Variants in RERG observed in about 807,000 individuals in gnomAD.
RERG encodes the protein RAS like estrogen regulated growth inhibitor.
Under a neutral mutation model 23.2 loss-of-function variants are expected in RERG, and 25 were observed. That is an observed-to-expected ratio of 1.08 (90% CI 0.79 to 1.50). The LOEUF (loss-of-function observed/expected upper bound fraction) is 1.50. RERG is among the 40% of genes most tolerant of loss of function. RERG has a pLI of 0.00. For synonymous variants in RERG, 81 were observed against 89.1 expected, an observed-to-expected ratio of 0.91 and a Z score of 0.51; for missense variants, 253 against 250.1, an observed-to-expected ratio of 1.01 and a Z score of -0.08.
At chr12:15,111,868 G>T (rs1449657795) in intron 3 of RERG, among the ~76,000 whole-genome samples, 2 of 151,874 alleles carry the variant, frequency 1.3e-5, no homozygotes, top group Non-Finnish European at 2.9e-5. Flanking sequence ...TGGAGACAAG[G>T]TTTCACCATG....
At chr12:15,196,286 G>T (rs951645616) in intron 2 of RERG, among the ~76,000 whole-genome samples, 17 of 152,026 alleles carry the variant, frequency 1.1e-4, no homozygotes, top group African/African-American at 4.1e-4. Flanking sequence ...CTATGGAAAA[G>T]GAAAGAAAAA....
At chr12:15,174,962 C>G (rs1864827292) in intron 2 of RERG, among the ~76,000 whole-genome samples, 1 of 151,944 alleles carries the variant, frequency 6.6e-6, no homozygotes, top group Non-Finnish European at 1.5e-5. Context: ...ATTTGGGATC[C>G]CTCAGGGCCA....
intron 2 of RERG, among the ~76,000 whole-genome samples, chr12:15,184,751 A>C (rs950968645): frequency 9.9e-5 from 15 of 152,086 alleles, no homozygotes; most frequent in Non-Finnish European, 5.9e-5. Flanking sequence ...AAATTATGTG[A>C]TTTTCCCTGT....
intron 2 of RERG, among the ~76,000 whole-genome samples, chr12:15,194,411 C>G (rs574180590): frequency 6.6e-6 from 1 of 151,914 alleles, no homozygotes; most frequent in Non-Finnish European, 1.5e-5. Context: ...AATATATACA[C>G]TCTCCCCTCA....
chr12:15,155,745 G>A (rs967572884), intron 2 of RERG, among the ~76,000 whole-genome samples: 4 of 152,108 alleles, frequency 2.6e-5, no homozygotes, highest in Non-Finnish European at 5.9e-5. Flanking sequence ...AAAACAGCCA[G>A]TTGTTAAGCA....
intron 2 of RERG, among the ~76,000 whole-genome samples, chr12:15,175,715 A>G (rs1213719557): frequency 6.6e-6 from 1 of 152,054 alleles, no homozygotes; most frequent in Non-Finnish European, 1.5e-5. Context: ...TTCCTTTAAC[A>G]TATGTTGTGA....
chr12:15,134,072 G>A (rs1203605694), intron 2 of RERG, among the ~76,000 whole-genome samples: 7 of 151,626 alleles, frequency 4.6e-5, no homozygotes, highest in Admixed American at 3.9e-4. Flanking sequence ...TCTAGACAGT[G>A]TTTTTTTCAC....
intron 2 of RERG, among the ~76,000 whole-genome samples, chr12:15,154,938 TG>T (rs1197533932): frequency 6.6e-6 from 1 of 152,236 alleles, no homozygotes; most frequent in East Asian, 1.9e-4. Flanking sequence ...TTTTTTAAAA[TG>T]TTAAGTTGCT....
At chr12:15,114,615 C>T (rs1863686765) in intron 3 of RERG, 1 of 152,108 alleles carries the variant, frequency 6.6e-6, no homozygotes. Flanking sequence ...TTCTCTACAC[C>T]GACAATGAGA....
intron 2 of RERG, among the ~76,000 whole-genome samples, chr12:15,134,023 C>A (rs899238607): frequency 6.6e-6 from 1 of 151,856 alleles, no homozygotes; most frequent in Non-Finnish European, 1.5e-5. Flanking sequence ...ATGTCTTTGG[C>A]CAATATTTTC....
intron 2 of RERG, among the ~76,000 whole-genome samples, chr12:15,126,805 C>T (rs1367719894): frequency 6.8e-6 from 1 of 147,422 alleles, no homozygotes; most frequent in Non-Finnish European, 1.5e-5. Context: ...GCAAGCTCTG[C>T]CTCCCGGGTT....
At chr12:15,198,826 C>G (rs1865179658) in intron 2 of RERG, among the ~76,000 whole-genome samples, 1 of 152,190 alleles carries the variant, frequency 6.6e-6, no homozygotes, top group Admixed American at 6.5e-5. Flanking sequence ...TCACATCTCC[C>G]CCGACTTCAG....
At chr12:15,207,848 A>T (rs957296922) in intron 2 of RERG, among the ~76,000 whole-genome samples, 30 of 152,118 alleles carry the variant, frequency 2.0e-4, no homozygotes, top group African/African-American at 7.2e-4. Context: ...CACTGAGGGG[A>T]TAAAGTTAAA....
chr12:15,144,509 T>C (rs1864296638), intron 2 of RERG, among the ~76,000 whole-genome samples: 1 of 152,186 alleles, frequency 6.6e-6, no homozygotes, highest in Non-Finnish European at 1.5e-5. Context: ...CAGGAAAGTT[T>C]AGAATTCTGG....
intron 2 of RERG, among the ~76,000 whole-genome samples, chr12:15,188,429 A>G (rs1865023295): frequency 6.6e-6 from 1 of 152,130 alleles, no homozygotes; most frequent in African/African-American, 2.4e-5. Context: ...ATCTATTAAC[A>G]TTCTCTTTGG....
At chr12:15,158,038 T>C (rs1357750618) in intron 2 of RERG, among the ~76,000 whole-genome samples, 1 of 152,188 alleles carries the variant, frequency 6.6e-6, no homozygotes, top group African/African-American at 2.4e-5. Context: ...TCAATATCTA[T>C]ACTTCATAAT....
At chr12:15,144,086 T>C (rs1451134248) in intron 2 of RERG, among the ~76,000 whole-genome samples, 2 of 151,804 alleles carry the variant, frequency 1.3e-5, no homozygotes, top group East Asian at 3.9e-4. Flanking sequence ...GTGTGGAGTA[T>C]GAGAGGAAAA....
At position 15,108,935 on chromosome 12, in the gene RERG, C is replaced by T. The variant is rs149960234; in HGVS notation, c.*175G>A. ...GCAGGAAAGGAAGAAATTGTTAGCA[C>T]TGAAATTGCATAAAACACGCTAAAA... On this transcript the variant is annotated 3_prime_UTR_variant, in exon 5 of 5. Transcript: ENST00000256953. The T allele has an allele frequency of 3.9e-4, 228 of 591,894 alleles. No homozygotes were observed. The highest frequency in any genetic ancestry group is 2.3e-3 in the East Asian group (80 of 34,460). The allele number at this position is 591,894 out of a possible 1,614,324, so 36.7% of individuals were successfully genotyped here.
chr12:15,131,889 G>A (rs1465115579), intron 2 of RERG, among the ~76,000 whole-genome samples: 1 of 152,078 alleles, frequency 6.6e-6, no homozygotes, highest in Non-Finnish European at 1.5e-5. Flanking sequence ...CACTCCTATG[G>A]CTACCTTTAC....
Sources: gnomAD v4.1 joint callset for allele counts (sites outside exome capture counted in the v4.1 genomes callset) on GRCh38, gnomAD v4.1.1 for gene constraint, MANE v1.5 for transcripts, NCBI Gene and HGNC (gene_info 2026-07-23, HGNC 2026-07-21) for gene names.